The following TTC7A variants were observed in gnomAD, a reference collection of about 807,000 sequenced individuals.
TTC7A encodes the protein tetratricopeptide repeat protein 7A.
In TTC7A, 110 loss-of-function variants were observed where a neutral mutation model predicts 103.7. That is an observed-to-expected ratio of 1.06 (90% CI 0.91 to 1.24). The LOEUF is 1.24. Ranked by LOEUF, TTC7A falls within the 50% of genes most tolerant of loss-of-function variation. The pLI is 0.00. For missense variants in TTC7A, 1,340 were observed against 1,116.3 expected (o/e 1.20, Z -2.86); for synonymous variants, 521 against 467.9 (o/e 1.11, Z -1.47).
At chr2:46,974,639 GA>G (rs1410299899) in intron 3 of TTC7A, 4 of 462,756 alleles carry the variant, frequency 8.6e-6, no homozygotes, top group Non-Finnish European at 1.7e-5. Context: ...AAAGAGGAAA[GA>G]AAAAAATAAA....
chr2:47,049,023 A>T (rs1682597997), intron 16 of TTC7A, among the ~76,000 whole-genome samples: 1 of 152,132 alleles, frequency 6.6e-6, no homozygotes, highest in South Asian at 2.1e-4. Flanking sequence ...TGCCCACTAA[A>T]ATTCCCAGAC....
At chr2:47,029,503 A>G (rs962011953) in intron 15 of TTC7A, 119 bp downstream of exon 15, 7 of 1,134,524 alleles carry the variant, frequency 6.2e-6, no homozygotes, top group Middle Eastern at 5.1e-4. Context: ...CACCCGCTGC[A>G]TGCACAATCC....
At chr2:46,951,287 G>T (rs573109700) in intron 2 of TTC7A, among the ~76,000 whole-genome samples, 26 of 152,134 alleles carry the variant, frequency 1.7e-4, no homozygotes, top group African/African-American at 5.1e-4. Flanking sequence ...CATCATTGGG[G>T]AGCTGGTTAG....
chr2:47,057,928 C>T (rs1274319684), intron 18 of TTC7A, among the ~76,000 whole-genome samples: 5 of 152,306 alleles, frequency 3.3e-5, no homozygotes, highest in Middle Eastern at 3.4e-3. Flanking sequence ...GGTTTAGTGG[C>T]TCAGCTGCTC....
At chr2:47,005,356 A>T (rs1865258) in intron 8 of TTC7A, among the ~76,000 whole-genome samples, 1 of 151,988 alleles carries the variant, frequency 6.6e-6, no homozygotes, top group East Asian at 1.9e-4. Context: ...CCACCTACCC[A>T]ATCCAGGCAC....
intron 8 of TTC7A, among the ~76,000 whole-genome samples, chr2:46,998,313 G>C (rs1676435152): frequency 6.6e-6 from 1 of 152,150 alleles, no homozygotes; most frequent in Non-Finnish European, 1.5e-5. Context: ...CCGGCTGCTG[G>C]ATCTGGCCTC....
intron 15 of TTC7A, among the ~76,000 whole-genome samples, chr2:47,030,172 A>C (rs1480079642): frequency 3.3e-5 from 5 of 152,246 alleles, no homozygotes; most frequent in African/African-American, 7.2e-5. Flanking sequence ...GGTCTGAAGG[A>C]AGGCAATTTA....
chr2:46,947,392 T>C (rs566604532), intron 1 of TTC7A, among the ~76,000 whole-genome samples: 14 of 152,156 alleles, frequency 9.2e-5, no homozygotes, highest in African/African-American at 2.4e-4. Flanking sequence ...TTTAGAGATA[T>C]GTGGTGAAGG....
At chr2:47,049,474 T>TG (rs1422560241) in intron 16 of TTC7A, among the ~76,000 whole-genome samples, 7 of 151,970 alleles carry the variant, frequency 4.6e-5, no homozygotes, top group Non-Finnish European at 8.8e-5. Flanking sequence ...CTGGCTCTTC[T>TG]GGGGACCCCC....
At chr2:46,935,430 C>A (rs1669930452) in intron 2 of TTC7A, among the ~76,000 whole-genome samples, 1 of 152,078 alleles carries the variant, frequency 6.6e-6, no homozygotes, top group African/African-American at 2.4e-5. Flanking sequence ...AATAAAAAAA[C>A]AAAACAGACC....
intron 19 of TTC7A, among the ~76,000 whole-genome samples, chr2:47,070,861 G>T (rs80100838): frequency 0.025 from 3,842 of 152,236 alleles, 131 homozygotes; most frequent in South Asian, 0.1. Flanking sequence ...CATCACTTTC[G>T]AATCCCTGTG....
At chr2:46,928,607 G>A (rs79750331) in intron 2 of TTC7A, among the ~76,000 whole-genome samples, 4,718 of 151,596 alleles carry the variant, frequency 0.031, 121 homozygotes, top group Non-Finnish European at 0.045. Context: ...CTGTCTCTAC[G>A]AAAAATATAA....
Position 46,961,576 on chromosome 2 carries a change from C to CAAATAAATAAATAAAAAAATAAATAAAT in TTC7A, c.517+4584_517+4585insAAAATAAATAAATAAATAAATAAATAAA, listed in dbSNP as rs371221013. ...TGGGTGACAGAGCAAGACTCCATCTCAAATAAATAAATAAATAAATAAATA... is the reference window on the plus strand; with the variant it reads ...TGGGTGACAGAGCAAGACTCCATCTCAAATAAATAAATAAAAAAATAAATAAATAAATAAATAAATAAATAAATAAATA... On this transcript the variant is annotated intron_variant, in intron 3 of 19. Transcript: ENST00000319190. Among the ~76,000 whole-genome samples, 3 of 135,138 alleles carry CAAATAAATAAATAAAAAAATAAATAAAT rather than the reference C, an allele frequency of 2.2e-5. 1 individual carries two copies. In the Admixed American group the frequency reaches 2.3e-4, roughly 10 times the overall value. The allele number at this position is 135,138 out of a possible 152,430, so 88.7% of individuals were successfully genotyped here.
chr2:46,985,443 A>T (rs1674921456), intron 5 of TTC7A, among the ~76,000 whole-genome samples: 1 of 152,240 alleles, frequency 6.6e-6, no homozygotes, highest in Non-Finnish European at 1.5e-5. Context: ...CTGGAGTTGC[A>T]GCCTGTGTGG....
At chr2:46,940,065 G>C (rs1380110580), upstream of TTC7A, among the ~76,000 whole-genome samples, 1 of 152,072 alleles carries the variant, frequency 6.6e-6, no homozygotes, top group Non-Finnish European at 1.5e-5. This position sits in a 1 kb window ranked among gnomAD's most constrained non-coding sequence, Gnocchi z 4.7. Flanking sequence ...GGGGTCAGTG[G>C]GAACAGGAAG....
At chr2:47,044,886 C>G (rs1458120096) in intron 15 of TTC7A, among the ~76,000 whole-genome samples, 1 of 152,158 alleles carries the variant, frequency 6.6e-6, no homozygotes, top group African/African-American at 2.4e-5. Context: ...AGCTGGGAGC[C>G]CAGGTCTTAG....
At chr2:47,057,506 C>T (rs1477560545) in intron 18 of TTC7A, among the ~76,000 whole-genome samples, 1 of 152,148 alleles carries the variant, frequency 6.6e-6, no homozygotes, top group African/African-American at 2.4e-5. Flanking sequence ...GAGGGGTCCC[C>T]AAGGGAGGGA....
At position 46,987,681 on chromosome 2, in the gene TTC7A, A is replaced by G. The variant is rs868351581; in HGVS notation, c.765-5769A>G. The stretch of plus-strand genomic sequence containing the variant: ...TTGTTCTTTTAATTTTGTTTTAATT[A>G]GTAAAGCAACATGTGCTCACTGCAC... On this transcript the variant is annotated intron_variant, in intron 5 of 19. Transcript: ENST00000319190. Among the ~76,000 whole-genome samples the G allele has an allele frequency of 5.5e-4, 83 of 152,226 alleles. 2 individuals carry two copies. Among genetic ancestry groups the G allele is most frequent in the Non-Finnish European group, 1.6e-4 (11 of 68,034 alleles).
chr2:47,068,756 G>C (rs1201769873), intron 19 of TTC7A, among the ~76,000 whole-genome samples: 1 of 150,434 alleles, frequency 6.6e-6, no homozygotes, highest in Non-Finnish European at 1.5e-5. Context: ...GCTGATATAG[G>C]CTCCTGAAGT....
Sources: gnomAD v4.1 joint callset for allele counts (sites outside exome capture counted in the v4.1 genomes callset) on GRCh38, gnomAD v4.1.1 for gene constraint, Gnocchi (gnomAD v3.1) non-coding constraint, MANE v1.5 for transcripts, NCBI Gene and HGNC (gene_info 2026-07-23, HGNC 2026-07-21) for gene names.